Variants in SIL1 observed in about 807,000 individuals in gnomAD.
The protein encoded by SIL1 is nucleotide exchange factor SIL1.
A neutral mutation model predicts 49.1 loss-of-function variants in SIL1; 40 were observed. The observed-to-expected ratio is 0.81, with a 90% CI of 0.63 to 1.06. The LOEUF (loss-of-function observed/expected upper bound fraction) is 1.06. Ranked by LOEUF, SIL1 falls within the 50% of genes least tolerant of loss-of-function variation. SIL1 has a pLI of 0.00. For missense variants in SIL1, 500 were observed against 572.6 expected, an observed-to-expected ratio of 0.87 and a Z score of 1.29; for synonymous variants, 253 against 250.8, an observed-to-expected ratio of 1.01 and a Z score of -0.08.
intron 6 of SIL1, among the ~76,000 whole-genome samples, chr5:139,023,018 G>A (rs1041071266): frequency 2.6e-5 from 4 of 152,110 alleles, no homozygotes; most frequent in South Asian, 2.1e-4. Context: ...GCTGCCACTC[G>A]GTCAGCTCCA....
chr5:139,154,919 G>A (rs1751379145), intron 1 of SIL1, among the ~76,000 whole-genome samples: 1 of 152,144 alleles, frequency 6.6e-6, no homozygotes, highest in Non-Finnish European at 1.5e-5. Flanking sequence ...CCCCAAAGTT[G>A]CAAATCAGAA....
intron 2 of SIL1, among the ~76,000 whole-genome samples, chr5:139,122,881 C>T (rs1750675170): frequency 1.3e-5 from 2 of 152,156 alleles, no homozygotes; most frequent in South Asian, 4.1e-4. Context: ...ATGAGAGGCA[C>T]TGACTCCAGC....
intron 1 of SIL1, among the ~76,000 whole-genome samples, chr5:139,147,717 G>A (rs991949126): frequency 1.3e-5 from 2 of 152,210 alleles, no homozygotes; most frequent in African/African-American, 4.8e-5. Context: ...GTCAACTGCA[G>A]TAACCAAACT....
intron 1 of SIL1, among the ~76,000 whole-genome samples, chr5:139,169,167 T>C: frequency 6.6e-6 from 1 of 152,216 alleles, no homozygotes; most frequent in Non-Finnish European, 1.5e-5. Flanking sequence ...TAAACAAAAA[T>C]GTTTTTAAGG....
intron 1 of SIL1, among the ~76,000 whole-genome samples, chr5:139,186,521 G>A (rs1752080008): frequency 2.0e-5 from 3 of 152,242 alleles, no homozygotes; most frequent in African/African-American, 7.2e-5. Context: ...CATATGACAT[G>A]AGGAGGCCAT....
intron 3 of SIL1, among the ~76,000 whole-genome samples, chr5:139,120,063 G>A (rs998420875): frequency 7.9e-5 from 12 of 152,236 alleles, no homozygotes; most frequent in African/African-American, 2.7e-4. Context: ...CACAGCAGGA[G>A]CAATATTGCT....
intron 1 of SIL1, among the ~76,000 whole-genome samples, chr5:139,161,360 T>G (rs115586820): frequency 6.6e-6 from 1 of 152,306 alleles, no homozygotes; most frequent in African/African-American, 2.4e-5. Flanking sequence ...GAGAGCCGTA[T>G]AGTGAAGAGT....
chr5:139,054,578 C>T (rs1397219082), intron 3 of SIL1, among the ~76,000 whole-genome samples: 1 of 151,790 alleles, frequency 6.6e-6, no homozygotes, highest in East Asian at 1.9e-4. Context: ...AATAATGGTA[C>T]TAATACTAGT....
intron 2 of SIL1, among the ~76,000 whole-genome samples, chr5:139,125,777 G>A (rs564064387): frequency 6.6e-6 from 1 of 152,114 alleles, no homozygotes; most frequent in Non-Finnish European, 1.5e-5. Flanking sequence ...CTTCCACAAG[G>A]CTCCACTACT....
At chr5:139,188,925 G>T (rs1428352564) in intron 1 of SIL1, among the ~76,000 whole-genome samples, 2 of 152,190 alleles carry the variant, frequency 1.3e-5, no homozygotes, top group Non-Finnish European at 2.9e-5. Flanking sequence ...GAGTAAGGAA[G>T]GAGATGGCAG....
At chr5:139,130,883 T>C (rs1750849550) in intron 1 of SIL1, among the ~76,000 whole-genome samples, 2 of 152,232 alleles carry the variant, frequency 1.3e-5, no homozygotes, top group Admixed American at 1.3e-4. Context: ...AGCTCAGATA[T>C]TGTATGATTC....
chr5:139,096,038 G>A (rs1159877439), intron 3 of SIL1, among the ~76,000 whole-genome samples: 2 of 152,092 alleles, frequency 1.3e-5, no homozygotes, highest in Admixed American at 1.3e-4. Context: ...GCTGAAAGAC[G>A]CACTGAAGAG....
At chr5:139,023,075 T>A (rs1768564581) in intron 6 of SIL1, among the ~76,000 whole-genome samples, 1 of 152,250 alleles carries the variant, frequency 6.6e-6, no homozygotes, top group African/African-American at 2.4e-5. Context: ...AGAGTCAGTT[T>A]ATCTACTATT....
chr5:139,140,269 CAAA>C (rs77102723), intron 1 of SIL1, among the ~76,000 whole-genome samples: 2 of 104,000 alleles, frequency 1.9e-5, no homozygotes, highest in African/African-American at 3.6e-5. Context: ...GACTCTGTCT[CAAA>C]AAAAAAAAAA....
chr5:139,037,175 T>G (rs889537821), intron 5 of SIL1, among the ~76,000 whole-genome samples: 6 of 150,922 alleles, frequency 4.0e-5, no homozygotes, highest in African/African-American at 1.5e-4. Flanking sequence ...TTCTGGCCTC[T>G]ATGGTTTCAG....
chr5:138,982,012 G>T (rs553157975), intron 7 of SIL1, among the ~76,000 whole-genome samples: 1 of 152,296 alleles, frequency 6.6e-6, no homozygotes, highest in Admixed American at 6.5e-5. Context: ...AATGGAAATA[G>T]TAATTGTCTT....
chr5:138,998,851 C>T (rs961993276), intron 7 of SIL1, among the ~76,000 whole-genome samples: 51 of 129,098 alleles, frequency 4.0e-4, no homozygotes, highest in South Asian at 1.5e-3. Context: ...GATTATCTTT[C>T]CTTTTTTTTT....
At chr5:139,093,405 A>G (rs1770385861) in intron 3 of SIL1, among the ~76,000 whole-genome samples, 1 of 152,234 alleles carries the variant, frequency 6.6e-6, no homozygotes, top group Non-Finnish European at 1.5e-5. Context: ...GTTATTGAAC[A>G]GGTGCCGTCC....
chr5:138,992,702 C>A (rs993485592), intron 7 of SIL1, among the ~76,000 whole-genome samples: 4 of 148,522 alleles, frequency 2.7e-5, no homozygotes, highest in East Asian at 2.1e-4. Context: ...ATATAATGGA[C>A]TTTGGGGACT....
Sources: gnomAD v4.1 joint callset for allele counts (sites outside exome capture counted in the v4.1 genomes callset) on GRCh38, gnomAD v4.1.1 for gene constraint, MANE v1.5 for transcripts, NCBI Gene and HGNC (gene_info 2026-07-23, HGNC 2026-07-21) for gene names.